TMEM131L: variants seen among roughly 807,000 people sequenced by gnomAD.
TMEM131L encodes the protein transmembrane protein 131-like.
TMEM131L carries 54 observed loss-of-function variants against 192.2 expected under a neutral mutation model. That is an observed-to-expected ratio of 0.28 (90% CI 0.23 to 0.35). The LOEUF (loss-of-function observed/expected upper bound fraction) is 0.35. Among genes scored for constraint, TMEM131L ranks in the 10% least tolerant of loss-of-function variants. The pLI, the probability that TMEM131L is intolerant of heterozygous loss-of-function variation, is 1.00. For synonymous variants in TMEM131L, 701 were observed against 704.9 expected (o/e 0.99, Z 0.09); for missense variants, 1,888 against 1,972.9 (o/e 0.96, Z 0.82).
chr4:153,621,125 T>C (rs986438668), intron 27 of TMEM131L, among the ~76,000 whole-genome samples: 3 of 152,184 alleles, frequency 2.0e-5, no homozygotes, highest in African/African-American at 7.2e-5. Flanking sequence ...CTAACAGATT[T>C]GGTAGTTTTT....
intron 31 of TMEM131L, among the ~76,000 whole-genome samples, chr4:153,628,522 T>C (rs910290113): frequency 1.3e-5 from 2 of 152,248 alleles, no homozygotes; most frequent in African/African-American, 4.8e-5. Context: ...GCTCTGCACA[T>C]TGGAGAATTT....
At chr4:153,519,963 C>G (rs1433617594) in intron 3 of TMEM131L, among the ~76,000 whole-genome samples, 2 of 152,168 alleles carry the variant, frequency 1.3e-5, no homozygotes, top group African/African-American at 2.4e-5. Context: ...ATCCTAAATG[C>G]CAAGTGAATG....
At chr4:153,603,484 G>A in intron 24 of TMEM131L, 32 bp downstream of exon 24, 1 of 1,583,376 alleles carries the variant, frequency 6.3e-7, no homozygotes, top group Non-Finnish European at 8.6e-7. Context: ...TTGGGAGCGG[G>A]GGCGGTTTCT....
At chr4:153,529,675 C>T (rs1369919907) in intron 3 of TMEM131L, among the ~76,000 whole-genome samples, 5 of 152,156 alleles carry the variant, frequency 3.3e-5, no homozygotes, top group Admixed American at 2.0e-4. Flanking sequence ...GGTATGTGTA[C>T]GTTTTATGTC....
rs528766439 is a variant in TMEM131L at position 153,556,140 on chromosome 4, A to G, written c.432+230A>G. Among the ~76,000 whole-genome samples, 1,106 of 149,944 alleles carry G rather than the reference A, an allele frequency of 7.4e-3. 9 individuals carry two copies. Among genetic ancestry groups the G allele is most frequent in the South Asian group, 0.013 (59 of 4,704 alleles). On this transcript the variant is annotated intron_variant, in intron 5 of 34. Transcript: ENST00000409959. ...CCGGGGGGAGGTGGGGGGTTGGGGG[A>G]GAGTTTGAAGGCTCTCAGCTGTGTA... is the stretch of plus-strand genomic sequence containing the variant.
intron 30 of TMEM131L, among the ~76,000 whole-genome samples, chr4:153,626,559 C>T (rs1391987350): frequency 6.6e-6 from 1 of 152,152 alleles, no homozygotes; most frequent in Non-Finnish European, 1.5e-5. Context: ...AGTTCAGGAC[C>T]AGTCTGGGTA....
intron 25 of TMEM131L, among the ~76,000 whole-genome samples, chr4:153,611,502 T>C (rs11723055): frequency 0.56 from 85,429 of 152,086 alleles, 24,155 homozygotes; most frequent in Non-Finnish European, 0.58. Flanking sequence ...TTTTAAATTA[T>C]CAAATGCAGT....
chr4:153,504,275 T>TATGCTAAGCAAGAGAAA, intron 3 of TMEM131L, among the ~76,000 whole-genome samples: 1 of 101,242 alleles, frequency 9.9e-6, no homozygotes, highest in East Asian at 4.5e-4. Context: ...CCTTTTTTTT[T>TATGCTAAGCAAGAGAAA]TTTTTTTTTT....
intron 5 of TMEM131L, 70 bp from the exon 6 acceptor site, chr4:153,556,896 A>G: frequency 1.3e-6 from 1 of 747,624 alleles, no homozygotes. Flanking sequence ...TGTCAAAAAA[A>G]GAAAGTCTGT....
chr4:153,553,113 T>A (rs10001174), intron 4 of TMEM131L, among the ~76,000 whole-genome samples: 28,501 of 152,110 alleles, frequency 0.19, 2,852 homozygotes, highest in African/African-American at 0.25. Context: ...AAAGGATTTC[T>A]GATTTTTAGA....
Position 153,604,423 on chromosome 4 carries a change from A to G in TMEM131L, c.3411A>G (p.Lys1137=), listed in dbSNP as rs745353807. The G allele has an allele frequency of 3.6e-5, 58 of 1,597,564 alleles. No homozygotes were observed. In the East Asian group the frequency reaches 8.7e-4, roughly 24 times the overall value. The change falls in exon 25 of 35, where the codon AAA becomes AAG. Residue 1137 remains lysine, a synonymous_variant. Transcript: ENST00000409959. Reference sequence around the variant, plus strand: ...CAGACTTGCCAGAAATTTCCAGGAAAAATAATGGTAATCTTTTCATCCCCT... The same window carrying G: ...CAGACTTGCCAGAAATTTCCAGGAAGAATAATGGTAATCTTTTCATCCCCT... ...HQPDLPEISR[K]NNGNNQQVPV...
At position 153,467,203 on chromosome 4, in the gene TMEM131L, TC is replaced by T. The variant is rs1730822277; in HGVS notation, c.125-6del. The T allele has an allele frequency of 6.4e-7, 1 of 1,551,678 alleles. No individual in the cohort carries two copies. On this transcript the variant is annotated splice_region_variant and splice_polypyrimidine_tract_variant and intron_variant, in intron 1 of 34. Transcript: ENST00000409959. The stretch of plus-strand genomic sequence containing the variant: ...AAAAACGTGGTGTATTTTTTGGTGT[TC>T]CTGCAGCGATTGAGCCGTTGCCGAA...
At chr4:153,624,949 C>G (rs189818544) in intron 29 of TMEM131L, among the ~76,000 whole-genome samples, 2 of 152,246 alleles carry the variant, frequency 1.3e-5, no homozygotes, top group Non-Finnish European at 2.9e-5. Flanking sequence ...CGCGATTCCA[C>G]TCAGCAGTTC....
intron 3 of TMEM131L, among the ~76,000 whole-genome samples, chr4:153,513,877 T>G (rs1734529298): frequency 6.6e-6 from 1 of 152,224 alleles, no homozygotes; most frequent in South Asian, 2.1e-4. Flanking sequence ...TTCTTGACTC[T>G]TGACTCATTC....
At chr4:153,562,317 T>C (rs1233943198) in intron 7 of TMEM131L, among the ~76,000 whole-genome samples, 1 of 152,192 alleles carries the variant, frequency 6.6e-6, no homozygotes, top group African/African-American at 2.4e-5. Context: ...ATTACAGGCA[T>C]GAGCCACCGC....
intron 7 of TMEM131L, 87 bp from the exon 8 acceptor site, chr4:153,580,739 T>C: frequency 1.3e-6 from 1 of 750,916 alleles, no homozygotes; most frequent in Non-Finnish European, 2.3e-6. Context: ...AAAAGTGTAG[T>C]TTCTGAATAC....
At chr4:153,600,689 A>G (rs1731777395) in intron 21 of TMEM131L, among the ~76,000 whole-genome samples, 1 of 152,256 alleles carries the variant, frequency 6.6e-6, no homozygotes, top group South Asian at 2.1e-4. Flanking sequence ...TTTTAGTGTA[A>G]CTATGTTTTC....
In TMEM131L at chr4:153,509,365, C is replaced by CA. The variant is rs35715077; in HGVS notation, c.239+35489dup. 1.1e-3 allele frequency among the ~76,000 whole-genome samples: 149 copies of CA among 136,000 alleles called. No individual in the cohort carries two copies. In the Middle Eastern group the frequency reaches 0.012, roughly 11 times the overall value. The allele number at this position is 136,000 out of a possible 152,430, so 89.2% of individuals were successfully genotyped here. On this transcript the variant is annotated intron_variant, in intron 3 of 34. Coordinates refer to ENST00000409959, the MANE Select transcript of TMEM131L (RefSeq NM_001131007.2). ...GGGTGACAAGAGCTAGACCCTGTCTCAAAAAAAAAAAAGAAAGAAAAAGAA... is the reference window on the plus strand; with the variant it reads ...GGGTGACAAGAGCTAGACCCTGTCTCAAAAAAAAAAAAAGAAAGAAAAAGAA...
intron 7 of TMEM131L, among the ~76,000 whole-genome samples, chr4:153,565,924 A>G (rs938197445): frequency 1.3e-5 from 2 of 152,178 alleles, no homozygotes; most frequent in Non-Finnish European, 2.9e-5. Flanking sequence ...CCAGTAATGT[A>G]TTGGATTCAA....
Sources: gnomAD v4.1 joint callset for allele counts (sites outside exome capture counted in the v4.1 genomes callset) on GRCh38, gnomAD v4.1.1 for gene constraint, MANE v1.5 for transcripts, NCBI Gene and HGNC (gene_info 2026-07-23, HGNC 2026-07-21) for gene names.